The following ELL variants were observed in gnomAD, a reference collection of about 807,000 sequenced individuals.
The protein encoded by ELL is elongation factor for RNA polymerase II.
Under a neutral mutation model 64.0 loss-of-function variants are expected in ELL, and 18 were observed. That is an observed-to-expected ratio of 0.28 (90% CI 0.19 to 0.42). The LOEUF (loss-of-function observed/expected upper bound fraction) is 0.42. ELL is among the 10% of genes least tolerant of loss of function. The probability of loss-of-function intolerance (pLI) is 1.00; values close to 1 mark genes in which losing one functional copy is unlikely to be tolerated. For synonymous variants in ELL, 399 were observed against 376.2 expected (o/e 1.06, Z -0.70); for missense variants, 797 against 870.4 (o/e 0.92, Z 1.06).
intron 1 of ELL, among the ~76,000 whole-genome samples, chr19:18,493,756 G>C (rs1236711899): frequency 6.6e-6 from 1 of 152,166 alleles, no homozygotes; most frequent in East Asian, 1.9e-4. Context: ...GAAGAAAGTG[G>C]CCTACAGGCC....
chr19:18,485,525 G>GGGCCAGGGA (rs1456738459), intron 1 of ELL, among the ~76,000 whole-genome samples: 6 of 152,100 alleles, frequency 3.9e-5, no homozygotes, highest in Non-Finnish European at 8.8e-5. Flanking sequence ...TCTCCTCCCA[G>GGGCCAGGGA]GGCCAGGGAG....
At chr19:18,472,709 C>T (rs968310668) in intron 2 of ELL, 126 bp downstream of exon 2, 106 of 1,218,092 alleles carry the variant, frequency 8.7e-5, no homozygotes, top group Non-Finnish European at 1.4e-5. Context: ...AGAACCCAGC[C>T]TTGCATGGTG....
In ELL at chr19:18,449,609, T is replaced by C. The variant is rs948797122; in HGVS notation, c.1465+868A>G. 3.3e-5 allele frequency among the ~76,000 whole-genome samples: 5 copies of C among 152,236 alleles called. No homozygotes were observed. The East Asian group carries it at 5.8e-4, about 18-fold the overall frequency. On this transcript the variant is annotated intron_variant, in intron 8 of 11. Coordinates refer to ENST00000262809, the MANE Select transcript of ELL (RefSeq NM_006532.4). This position sits in a 1 kb window ranked among gnomAD's most constrained non-coding sequence, Gnocchi z 4.4. ...TCCCACCCTCATCCCAGGAATCCCC[T>C]GACTCAGCCTCCTCCCCAGAGACAC...
Position 18,462,334 on chromosome 19 carries a change from GCT to G in ELL, c.470-484_470-483del, listed in dbSNP as rs796694712. The stretch of plus-strand genomic sequence containing the variant: ...TGAAATCACCTGATCACTCTAGTGG[GCT>G]GTGTGTGTGTGTGTGTGTGTGTGTG... On this transcript the variant is annotated intron_variant, in intron 4 of 11. Coordinates refer to ENST00000262809, the MANE Select transcript of ELL (RefSeq NM_006532.4). Among the ~76,000 whole-genome samples the G allele has an allele frequency of 1.2e-3, 106 of 90,558 alleles. 4 individuals are homozygous for G. Among genetic ancestry groups the G allele is most frequent in the African/African-American group, 6.6e-3 (94 of 14,220 alleles). The allele number at this position is 90,558 out of a possible 152,430, so 59.4% of individuals were successfully genotyped here. A position where few individuals can be genotyped will look rare whatever the true frequency, so the allele number is the denominator to read the frequency against.
At chr19:18,461,945 T>C (rs890192579) in intron 4 of ELL, 93 bp from the exon 5 acceptor site, 53 of 1,479,162 alleles carry the variant, frequency 3.6e-5, no homozygotes, top group Admixed American at 1.7e-4. Flanking sequence ...TTTGAGACTA[T>C]AGACAGTGCT....
intron 8 of ELL, among the ~76,000 whole-genome samples, chr19:18,447,512 G>A (rs1044358871): frequency 3.3e-5 from 5 of 152,238 alleles, no homozygotes; most frequent in Admixed American, 2.6e-4. Flanking sequence ...TCAGCCCTTC[G>A]CCCCTTCAGG....
chr19:18,473,535 C>T (rs888609482), intron 1 of ELL, among the ~76,000 whole-genome samples: 2 of 152,234 alleles, frequency 1.3e-5, no homozygotes, highest in African/African-American at 2.4e-5. Context: ...AGTCACATGG[C>T]TTCTGGACAG....
At chr19:18,491,559 G>A (rs910465335) in intron 1 of ELL, among the ~76,000 whole-genome samples, 4 of 152,064 alleles carry the variant, frequency 2.6e-5, no homozygotes, top group African/African-American at 4.8e-5. Context: ...CCAGCCTGCC[G>A]TCCTGCCCTG....
intron 1 of ELL, among the ~76,000 whole-genome samples, chr19:18,517,027 G>C (rs1359501922): frequency 6.6e-6 from 1 of 152,132 alleles, no homozygotes; most frequent in Non-Finnish European, 1.5e-5. Flanking sequence ...TGATCCAAAA[G>C]AGGTCACTCA....
chr19:18,473,814 C>T (rs1334687894), intron 1 of ELL, among the ~76,000 whole-genome samples: 3 of 152,122 alleles, frequency 2.0e-5, no homozygotes, highest in Admixed American at 2.0e-4. Flanking sequence ...CACCCCTGCA[C>T]CACCTGGCCC....
chr19:18,452,120 A>G (rs1974552788), intron 6 of ELL, among the ~76,000 whole-genome samples: 1 of 152,176 alleles, frequency 6.6e-6, no homozygotes, highest in Non-Finnish European at 1.5e-5. Context: ...CAGCTGGGGA[A>G]GAAGGGAAGA....
chr19:18,455,360 G>A (rs1371028141), intron 6 of ELL, among the ~76,000 whole-genome samples: 1 of 150,034 alleles, frequency 6.7e-6, no homozygotes, highest in Non-Finnish European at 1.5e-5. Context: ...GCGTGGTGGC[G>A]GGCACCTGTA....
At chr19:18,445,751 G>A (rs1321302816) in intron 10 of ELL, among the ~76,000 whole-genome samples, 1 of 152,138 alleles carries the variant, frequency 6.6e-6, no homozygotes, top group East Asian at 1.9e-4. Flanking sequence ...GTGGCAGGTG[G>A]GGCGGCTACG....
At chr19:18,448,201 G>A (rs1034480202) in intron 8 of ELL, 1 of 151,676 alleles carries the variant, frequency 6.6e-6, no homozygotes, top group Non-Finnish European at 1.5e-5. Flanking sequence ...CTCTCAACAT[G>A]CTGGGATTAT....
intron 1 of ELL, among the ~76,000 whole-genome samples, chr19:18,517,629 C>G (rs942953867): frequency 6.7e-6 from 1 of 149,034 alleles, no homozygotes; most frequent in African/African-American, 2.5e-5. Context: ...GGGAGGCCGA[C>G]ACAGGAGGAT....
At chr19:18,467,259 G>C (rs1315860985) in intron 2 of ELL, among the ~76,000 whole-genome samples, 1 of 152,056 alleles carries the variant, frequency 6.6e-6, no homozygotes, top group African/African-American at 2.4e-5. Context: ...CTTCTCCAGA[G>C]GCCCATCCTG....
chr19:18,475,077 T>C (rs567100942), intron 1 of ELL, among the ~76,000 whole-genome samples: 7 of 152,146 alleles, frequency 4.6e-5, no homozygotes, highest in South Asian at 4.2e-4. Flanking sequence ...TGAGCTGAGA[T>C]TGCACCACTG....
At chr19:18,492,991 C>T (rs1350648140) in intron 1 of ELL, among the ~76,000 whole-genome samples, 2 of 152,100 alleles carry the variant, frequency 1.3e-5, no homozygotes, top group Non-Finnish European at 2.9e-5. Context: ...TCATTTGCTT[C>T]CCACTCTCCA....
At chr19:18,494,655 T>C (rs932092328) in intron 1 of ELL, among the ~76,000 whole-genome samples, 1 of 152,154 alleles carries the variant, frequency 6.6e-6, no homozygotes, top group Admixed American at 6.5e-5. Flanking sequence ...CCTCCCAAAG[T>C]GCTGGGATTG....
Sources: gnomAD v4.1 joint callset for allele counts (sites outside exome capture counted in the v4.1 genomes callset) on GRCh38, gnomAD v4.1.1 for gene constraint, Gnocchi (gnomAD v3.1) non-coding constraint, MANE v1.5 for transcripts, NCBI Gene and HGNC (gene_info 2026-07-23, HGNC 2026-07-21) for gene names.